PTPRE: variants seen among roughly 807,000 people sequenced by gnomAD.
PTPRE encodes the protein receptor-type tyrosine-protein phosphatase epsilon.
Under a neutral mutation model 102.0 loss-of-function variants are expected in PTPRE, and 51 were observed. The observed-to-expected ratio is 0.50, with a 90% CI of 0.40 to 0.63. The LOEUF (loss-of-function observed/expected upper bound fraction) is 0.63, where lower values mean the gene tolerates loss of function less well. Among genes scored for constraint, PTPRE ranks in the 30% least tolerant of loss-of-function variants. PTPRE has a pLI of 0.00. For synonymous variants in PTPRE, 345 were observed against 348.2 expected (o/e 0.99, Z 0.10); for missense variants, 752 against 915.1 (o/e 0.82, Z 2.30).
At chr10:128,048,861 G>T (rs1030418172) in intron 5 of PTPRE, among the ~76,000 whole-genome samples, 2 of 152,116 alleles carry the variant, frequency 1.3e-5, no homozygotes, top group African/African-American at 4.8e-5. Context: ...TGACAGCTGG[G>T]TTATCATGTT....
At chr10:128,026,042 G>C (rs576750948) in intron 2 of PTPRE, among the ~76,000 whole-genome samples, 188 of 152,318 alleles carry the variant, frequency 1.2e-3, no homozygotes, top group African/African-American at 4.3e-3. Flanking sequence ...AGTCTCCCAT[G>C]TATCTCCAGA....
In PTPRE at chr10:128,028,634, C is replaced by T. The variant is rs1485904162; in HGVS notation, c.-7-12241C>T. On this transcript the variant is annotated intron_variant, in intron 2 of 20. Coordinates refer to ENST00000254667, the MANE Select transcript of PTPRE (RefSeq NM_006504.6). The surrounding 1 kb of genome is among the most constrained non-coding windows in gnomAD (Gnocchi z 4.5). ...AGCCCCATCTGTCCCCGAGACCCCA[C>T]CCCCTCAGGCACAGCTGAGCAGCCC... Among the ~76,000 whole-genome samples, 1 of 152,154 alleles carries T rather than the reference C, an allele frequency of 6.6e-6. No individual in the cohort carries two copies. Among genetic ancestry groups the T allele is most frequent in the South Asian group, 2.1e-4 (1 of 4,832 alleles).
At chr10:128,057,637 A>G (rs1425048056) in intron 7 of PTPRE, among the ~76,000 whole-genome samples, 2 of 152,212 alleles carry the variant, frequency 1.3e-5, no homozygotes, top group Non-Finnish European at 2.9e-5. Context: ...CCCACTGTGA[A>G]CCCATGATCC....
chr10:128,029,457 C>T (rs1486410733), intron 2 of PTPRE, among the ~76,000 whole-genome samples: 1 of 152,164 alleles, frequency 6.6e-6, no homozygotes, highest in Non-Finnish European at 1.5e-5. Context: ...AATTGACCCT[C>T]TCAGCCCAGA....
intron 3 of PTPRE, among the ~76,000 whole-genome samples, chr10:128,043,144 G>A (rs1436936689): frequency 6.6e-6 from 1 of 152,108 alleles, no homozygotes; most frequent in Non-Finnish European, 1.5e-5. Context: ...GGGGTGGGGG[G>A]TGGTTTGGGG....
chr10:127,931,223 A>T (rs1847420346), intron 1 of PTPRE, among the ~76,000 whole-genome samples: 1 of 152,154 alleles, frequency 6.6e-6, no homozygotes, highest in Non-Finnish European at 1.5e-5. Flanking sequence ...ATTTGTATAT[A>T]AAGTTGTTTA....
chr10:128,072,328 C>T (rs747749737), intron 16 of PTPRE, 114 bp downstream of exon 16: 3 of 1,011,394 alleles, frequency 3.0e-6, no homozygotes, highest in Non-Finnish European at 4.3e-6. Context: ...TCCAGAAACT[C>T]AGCCATTTTT....
At chr10:128,042,703 C>T (rs990567094) in intron 3 of PTPRE, among the ~76,000 whole-genome samples, 2 of 152,194 alleles carry the variant, frequency 1.3e-5, no homozygotes, top group African/African-American at 2.4e-5. Context: ...CACGTTTCCA[C>T]AGTGTGCCAA....
intron 2 of PTPRE, chr10:127,999,968 A>G: frequency 1.0e-6 from 1 of 985,302 alleles, no homozygotes; most frequent in Admixed American, 6.1e-5. Flanking sequence ...CTCTGTAAGT[A>G]TCCATGGATG....
At chr10:128,066,519 CACTG>C (rs772165578) in intron 11 of PTPRE, among the ~76,000 whole-genome samples, 21 of 152,220 alleles carry the variant, frequency 1.4e-4, no homozygotes, top group Non-Finnish European at 2.9e-4. Context: ...ACATTTCACA[CACTG>C]ACTGGGAGGT....
At chr10:128,067,093 TGCACACACAC>T (rs1387723905) in intron 11 of PTPRE, among the ~76,000 whole-genome samples, 2 of 143,948 alleles carry the variant, frequency 1.4e-5, no homozygotes, top group Non-Finnish European at 3.0e-5. Flanking sequence ...GGCACACACA[TGCACACACAC>T]GCACACAACC....
chr10:128,072,299 G>T, intron 16 of PTPRE, 85 bp downstream of exon 16: 1 of 1,187,068 alleles, frequency 8.4e-7, no homozygotes, highest in South Asian at 1.5e-5. Context: ...TTTTCACAAT[G>T]AGAAAGAATT....
At position 128,072,222 on chromosome 10, in the gene PTPRE, T is replaced by G. The variant is rs764307232; in HGVS notation, c.1464+8T>G. ...AACGCATCCTTCATAGACGTACGTA[T>G]GCTGGCCTGGGTTGTGTTTATGCAG... On this transcript the variant is annotated splice_region_variant and intron_variant, in intron 16 of 20. Transcript: ENST00000254667. 14 of 1,611,424 alleles carry G rather than the reference T, an allele frequency of 8.7e-6. No homozygotes were observed. In the South Asian group the frequency reaches 1.5e-4, roughly 18 times the overall value.
At chr10:128,057,553 C>T (rs1849100288) in intron 7 of PTPRE, among the ~76,000 whole-genome samples, 1 of 152,200 alleles carries the variant, frequency 6.6e-6, no homozygotes, top group Non-Finnish European at 1.5e-5. Context: ...TGTGGTCTGT[C>T]CAAACTGTGC....
intron 2 of PTPRE, among the ~76,000 whole-genome samples, chr10:128,031,664 C>CGG (rs1019056406): frequency 7.2e-5 from 11 of 152,278 alleles, no homozygotes; most frequent in Middle Eastern, 3.4e-3. Flanking sequence ...TGCCAGATGA[C>CGG]GGGCAGGTGC....
At chr10:127,956,271 G>T (rs1370414849) in intron 1 of PTPRE, among the ~76,000 whole-genome samples, 2 of 152,066 alleles carry the variant, frequency 1.3e-5, no homozygotes, top group Admixed American at 1.3e-4. Flanking sequence ...TTGTCTGAGG[G>T]TATTTCCAGA....
chr10:127,932,785 A>T (rs1847542536), intron 1 of PTPRE, among the ~76,000 whole-genome samples: 1 of 145,290 alleles, frequency 6.9e-6, no homozygotes, highest in Non-Finnish European at 1.5e-5. Context: ...CACTTGACGA[A>T]GTTGACGGGC....
At chr10:128,033,747 C>T (rs549620824) in intron 2 of PTPRE, among the ~76,000 whole-genome samples, 1 of 152,192 alleles carries the variant, frequency 6.6e-6, no homozygotes. Flanking sequence ...CGGGTTCAAG[C>T]GATTCTCCTG....
Position 128,076,725 on chromosome 10 carries a change from T to G in PTPRE, c.1722T>G (p.Asn574Lys). 1 of 1,611,594 alleles carries G rather than the reference T, an allele frequency of 6.2e-7. No homozygotes were observed. The highest frequency in any genetic ancestry group is 1.7e-5 in the Admixed American group (1 of 59,164). ...ISIRDFLVTL[N>K]QPQARQEEQV... Reference sequence around the variant, plus strand: ...TACGAGACTTTCTGGTCACTCTCAATCAGGTATTGTTGAAGTAGCTCTTTA... The same window carrying G: ...TACGAGACTTTCTGGTCACTCTCAAGCAGGTATTGTTGAAGTAGCTCTTTA... The change falls in exon 18 of 21, where the codon AAT (asparagine) becomes AAG (lysine). Residue 574 changes from asparagine (N) to lysine (K), a missense_variant. Coordinates refer to ENST00000254667, the MANE Select transcript of PTPRE (RefSeq NM_006504.6).
Sources: gnomAD v4.1 joint callset for allele counts (sites outside exome capture counted in the v4.1 genomes callset) on GRCh38, gnomAD v4.1.1 for gene constraint, Gnocchi (gnomAD v3.1) non-coding constraint, MANE v1.5 for transcripts, NCBI Gene and HGNC (gene_info 2026-07-23, HGNC 2026-07-21) for gene names.